Variants in UBE2E2 observed in about 807,000 individuals in gnomAD.
UBE2E2 encodes the protein ubiquitin conjugating enzyme E2 E2.
UBE2E2 carries 6 observed loss-of-function variants against 24.7 expected under a neutral mutation model. The observed-to-expected ratio is 0.24, with a 90% CI of 0.13 to 0.48. The LOEUF (loss-of-function observed/expected upper bound fraction) is 0.48. Ranked by LOEUF, UBE2E2 falls within the 20% of genes least tolerant of loss-of-function variation. The pLI, the probability that UBE2E2 is intolerant of heterozygous loss-of-function variation, is 0.99. For synonymous variants in UBE2E2, 104 were observed against 83.6 expected (o/e 1.24, Z -1.33); for missense variants, 169 against 245.0 (o/e 0.69, Z 2.07).
At chr3:23,487,355 C>T (rs1241616730) in intron 3 of UBE2E2, among the ~76,000 whole-genome samples, 2 of 152,198 alleles carry the variant, frequency 1.3e-5, no homozygotes, top group East Asian at 3.9e-4. Context: ...CACTGCTGGG[C>T]AGCTGCAGCT....
At chr3:23,282,238 A>T (rs1196205268) in intron 3 of UBE2E2, among the ~76,000 whole-genome samples, 3 of 152,182 alleles carry the variant, frequency 2.0e-5, no homozygotes, top group Non-Finnish European at 2.9e-5. Flanking sequence ...GTTTTGCTAC[A>T]TTGCATTTAT....
At chr3:23,507,793 A>T (rs555450111) in intron 4 of UBE2E2, among the ~76,000 whole-genome samples, 1 of 152,374 alleles carries the variant, frequency 6.6e-6, no homozygotes, top group East Asian at 1.9e-4. Flanking sequence ...GAGGAAAGAC[A>T]GTATGAGGAG....
chr3:23,290,162 T>C (rs1458356151), intron 3 of UBE2E2, among the ~76,000 whole-genome samples: 1 of 152,258 alleles, frequency 6.6e-6, no homozygotes, highest in Non-Finnish European at 1.5e-5. Context: ...ATGCAAATGA[T>C]GTGTTTACCC....
rs116740751 is a variant in UBE2E2 at position 23,217,856 on chromosome 3, A to T, written c.227+544A>T. Reference sequence around the variant, plus strand: ...GATCATGACCTCGAATTTTCTGGTCAGTGTTTACTTTTAGGAAAGAAAAGT... The same window carrying T: ...GATCATGACCTCGAATTTTCTGGTCTGTGTTTACTTTTAGGAAAGAAAAGT... On this transcript the variant is annotated intron_variant, in intron 3 of 5. Transcript: ENST00000396703. Among the ~76,000 whole-genome samples the T allele has an allele frequency of 8.5e-3, 1,287 of 152,210 alleles. 13 individuals carry two copies. Among genetic ancestry groups the T allele is most frequent in the African/African-American group, 0.029 (1,222 of 41,540 alleles).
chr3:23,544,740 A>G (rs1333969026), intron 5 of UBE2E2, among the ~76,000 whole-genome samples: 1 of 152,224 alleles, frequency 6.6e-6, no homozygotes, highest in Non-Finnish European at 1.5e-5. Flanking sequence ...AGAAAAAGAC[A>G]CAGAGACAAA....
At chr3:23,495,679 G>A (rs1357235973) in intron 3 of UBE2E2, among the ~76,000 whole-genome samples, 1 of 152,108 alleles carries the variant, frequency 6.6e-6, no homozygotes, top group East Asian at 1.9e-4. Flanking sequence ...GCATAACCAT[G>A]TGTATTATTC....
chr3:23,568,768 A>G (rs1363888912), intron 5 of UBE2E2, among the ~76,000 whole-genome samples: 3 of 146,006 alleles, frequency 2.1e-5, no homozygotes, highest in Admixed American at 1.3e-4. Context: ...ACTTTATAAA[A>G]TACCTGGATA....
chr3:23,269,853 G>A (rs1171412317), intron 3 of UBE2E2, among the ~76,000 whole-genome samples: 4 of 152,154 alleles, frequency 2.6e-5, no homozygotes, highest in Middle Eastern at 3.2e-3. Context: ...GTAGAAAAAG[G>A]GGAAAAATGT....
At chr3:23,418,442 C>T (rs551360095) in intron 3 of UBE2E2, among the ~76,000 whole-genome samples, 4 of 152,252 alleles carry the variant, frequency 2.6e-5, no homozygotes, top group South Asian at 2.1e-4. Context: ...ACCCACCTTC[C>T]GTGTTGATCT....
rs915047245 is a variant in UBE2E2, at chr3:23,580,692, A to G, written c.509-9042A>G. 2.0e-5 allele frequency among the ~76,000 whole-genome samples: 3 copies of G among 152,306 alleles called. No homozygotes were observed. The East Asian group carries it at 5.8e-4, about 29-fold the overall frequency. On this transcript the variant is annotated intron_variant, in intron 5 of 5. Coordinates refer to ENST00000396703, the MANE Select transcript of UBE2E2 (RefSeq NM_152653.4). ...CAGAGATGGGACACATAAGACTGCT[A>G]GGAAGCCCCTGGAAGACATCCTCAG...
At chr3:23,242,661 A>T (rs550835099) in intron 3 of UBE2E2, among the ~76,000 whole-genome samples, 2 of 152,164 alleles carry the variant, frequency 1.3e-5, no homozygotes, top group Non-Finnish European at 2.9e-5. Flanking sequence ...GAAGGAGTAC[A>T]TTCTACTAAC....
rs539142797 is a variant in UBE2E2, at chr3:23,574,633, C to T, written c.509-15101C>T. ...AGAAGCCTGAAGCAAAAAAGGATTG[C>T]TTGAGCCAAGGAGTTTGAGGCTATA... On this transcript the variant is annotated intron_variant, in intron 5 of 5. Transcript: ENST00000396703. Among the ~76,000 whole-genome samples, 24 of 152,218 alleles carry T rather than the reference C, an allele frequency of 1.6e-4. 1 individual carries two copies. In the South Asian group the frequency reaches 5.0e-3, roughly 32 times the overall value.
At chr3:23,466,567 GT>G (rs1158396031) in intron 3 of UBE2E2, among the ~76,000 whole-genome samples, 1 of 147,746 alleles carries the variant, frequency 6.8e-6, no homozygotes, top group Non-Finnish European at 1.5e-5. Context: ...TTTTGTTTTT[GT>G]TTTTGTTTTT....
At chr3:23,554,113 T>G (rs1695717651) in intron 5 of UBE2E2, among the ~76,000 whole-genome samples, 1 of 152,078 alleles carries the variant, frequency 6.6e-6, no homozygotes, top group Non-Finnish European at 1.5e-5. Flanking sequence ...GGGGAAGAGA[T>G]ATCACACTTC....
intron 3 of UBE2E2, among the ~76,000 whole-genome samples, chr3:23,398,277 C>T (rs572492904): frequency 2.1e-5 from 3 of 144,422 alleles, no homozygotes; most frequent in Non-Finnish European, 4.5e-5. Context: ...GGCACCACTG[C>T]ACTCCATTCT....
chr3:23,391,601 A>C (rs1019376166), intron 3 of UBE2E2, among the ~76,000 whole-genome samples: 1 of 152,204 alleles, frequency 6.6e-6, no homozygotes, highest in African/African-American at 2.4e-5. Context: ...TTAATAAATA[A>C]ATTACATTCA....
intron 3 of UBE2E2, among the ~76,000 whole-genome samples, chr3:23,224,156 G>GTTTTT (rs531661466): frequency 1.4e-4 from 13 of 93,682 alleles, no homozygotes; most frequent in South Asian, 8.3e-4. Flanking sequence ...TAAATTTTAG[G>GTTTTT]TTTTTTTTTT....
chr3:23,378,844 TA>T (rs1415495855), intron 3 of UBE2E2, among the ~76,000 whole-genome samples: 1 of 152,194 alleles, frequency 6.6e-6, no homozygotes, highest in Non-Finnish European at 1.5e-5. Context: ...TATTTTAACT[TA>T]AAATATTACC....
rs1370344396 is a variant in UBE2E2 at position 23,280,663 on chromosome 3, T to A, written c.227+63351T>A. Among the ~76,000 whole-genome samples the A allele has an allele frequency of 6.6e-6, 1 of 152,212 alleles. No individual in the cohort carries two copies. The highest frequency in any genetic ancestry group is 2.4e-5 in the African/African-American group (1 of 41,454). The stretch of plus-strand genomic sequence containing the variant: ...GTGGCATTTGCCATAATTGTCCTAA[T>A]AACTGTGCTTGTCACAAAACCCAAT... On this transcript the variant is annotated intron_variant, in intron 3 of 5. Coordinates refer to ENST00000396703, the MANE Select transcript of UBE2E2 (RefSeq NM_152653.4). The surrounding 1 kb of genome is among the most constrained non-coding windows in gnomAD (Gnocchi z 4.3).
Sources: gnomAD v4.1 joint callset for allele counts (sites outside exome capture counted in the v4.1 genomes callset) on GRCh38, gnomAD v4.1.1 for gene constraint, Gnocchi (gnomAD v3.1) non-coding constraint, MANE v1.5 for transcripts, NCBI Gene and HGNC (gene_info 2026-07-23, HGNC 2026-07-21) for gene names.